The following DSCAML1 variants were observed in gnomAD, a reference collection of about 807,000 sequenced individuals.
DSCAML1 encodes the protein cell adhesion molecule DSCAML1.
A neutral mutation model predicts 200.5 loss-of-function variants in DSCAML1; 38 were observed. That is an observed-to-expected ratio of 0.19 (90% CI 0.15 to 0.25). The LOEUF is 0.25. DSCAML1 is among the 10% of genes least tolerant of loss of function. DSCAML1 has a pLI of 1.00. For synonymous variants in DSCAML1, 1,215 were observed against 1,165.0 expected (o/e 1.04, Z -0.87); for missense variants, 2,223 against 2,858.8 (o/e 0.78, Z 5.07).
intron 3 of DSCAML1, among the ~76,000 whole-genome samples, chr11:117,745,826 C>T (rs149117435): frequency 6.6e-6 from 1 of 152,162 alleles, no homozygotes; most frequent in African/African-American, 2.4e-5. Flanking sequence ...GCCTCAATGT[C>T]TTCGTCTGTA....
chr11:117,728,303 T>A (rs1415915781), intron 3 of DSCAML1, among the ~76,000 whole-genome samples: 1 of 152,190 alleles, frequency 6.6e-6, no homozygotes, highest in Non-Finnish European at 1.5e-5. Context: ...AGGGACTCTG[T>A]GATAAACCTC....
intron 4 of DSCAML1, among the ~76,000 whole-genome samples, chr11:117,529,528 A>G (rs1270316755): frequency 6.6e-6 from 1 of 152,198 alleles, no homozygotes; most frequent in Non-Finnish European, 1.5e-5. Context: ...GGAGATGGAA[A>G]GTTTGGCCTA....
chr11:117,573,038 C>T (rs2050872782), intron 3 of DSCAML1, among the ~76,000 whole-genome samples: 1 of 152,180 alleles, frequency 6.6e-6, no homozygotes, highest in Non-Finnish European at 1.5e-5. Flanking sequence ...CATAATGGCC[C>T]TGTGAGAGAG....
At chr11:117,686,879 A>T (rs1345042539) in intron 3 of DSCAML1, among the ~76,000 whole-genome samples, 1 of 152,208 alleles carries the variant, frequency 6.6e-6, no homozygotes, top group Non-Finnish European at 1.5e-5. Flanking sequence ...ACATTTATTT[A>T]GCTTGATCTT....
chr11:117,676,606 G>A (rs530312299), intron 3 of DSCAML1, among the ~76,000 whole-genome samples: 119 of 152,286 alleles, frequency 7.8e-4, no homozygotes, highest in African/African-American at 2.7e-3. Context: ...AGAAGCTGTC[G>A]CACCTCCAGC....
intron 3 of DSCAML1, among the ~76,000 whole-genome samples, chr11:117,584,298 C>G (rs1054201008): frequency 4.6e-5 from 7 of 152,144 alleles, no homozygotes; most frequent in African/African-American, 1.7e-4. Flanking sequence ...GTCTGATTCC[C>G]CATCTGCCTC....
chr11:117,550,369 G>A (rs1420822128), intron 3 of DSCAML1, among the ~76,000 whole-genome samples: 1 of 152,168 alleles, frequency 6.6e-6, no homozygotes, highest in South Asian at 2.1e-4. Context: ...AACCTAGATT[G>A]TGTGACTCCA....
intron 3 of DSCAML1, among the ~76,000 whole-genome samples, chr11:117,681,410 A>T (rs2053310851): frequency 1.3e-5 from 2 of 152,188 alleles, no homozygotes; most frequent in Non-Finnish European, 2.9e-5. Context: ...CTTTGGGGAC[A>T]TGGCCTGCCC....
intron 1 of DSCAML1, among the ~76,000 whole-genome samples, chr11:117,805,796 G>A (rs977064161): frequency 2.6e-4 from 39 of 152,218 alleles, no homozygotes; most frequent in African/African-American, 9.4e-4. Context: ...CAGAGTCCCT[G>A]CCCTCAGGAA....
chr11:117,618,056 T>C (rs1393223897), intron 3 of DSCAML1, among the ~76,000 whole-genome samples: 1 of 152,228 alleles, frequency 6.6e-6, no homozygotes, highest in African/African-American at 2.4e-5. Flanking sequence ...ATCTCAACAA[T>C]ACCTATTTCA....
Position 117,481,232 on chromosome 11 carries a change from G to A in DSCAML1, c.2598C>T (p.Ser866=). Reference sequence around the variant, plus strand: ...CCCCATACGAGTTGATGGCATGGCAGCTGAAGAACACAGAGTCCCCACGGT... The same window carrying A: ...CCCCATACGAGTTGATGGCATGGCAACTGAAGAACACAGAGTCCCCACGGT... ...PADRGDSVFF[S]CHAINSYGED... is the part of the protein sequence containing the mutation. Residue 866 remains serine (S), a synonymous_variant, in exon 13 of 33, where the codon AGC becomes AGT. Coordinates refer to ENST00000651296, the MANE Select transcript of DSCAML1 (RefSeq NM_020693.4). 6.2e-7 allele frequency: 1 copy of A among 1,613,934 alleles called. No individual in the cohort carries two copies. Among genetic ancestry groups the A allele is most frequent in the African/African-American group, 1.3e-5 (1 of 74,996 alleles).
Position 117,505,142 on chromosome 11 carries a change from C to T in DSCAML1, c.2063-99G>A. 2 of 1,507,144 alleles carry T rather than the reference C, an allele frequency of 1.3e-6. No individual in the cohort carries two copies. Among genetic ancestry groups the T allele is most frequent in the Non-Finnish European group, 1.8e-6 (2 of 1,120,666 alleles). 93.4% of individuals were successfully genotyped at this position (1,507,144 alleles called of 1,614,324 possible). On this transcript the variant is annotated intron_variant, in intron 9 of 32. Coordinates refer to ENST00000651296, the MANE Select transcript of DSCAML1 (RefSeq NM_020693.4). This position sits in a 1 kb window ranked among gnomAD's most constrained non-coding sequence, Gnocchi z 6.7. ...CTGTTTGAGGTCAGCCCTGCCCGGG[C>T]CATTATAAAGTTGGAAGCGGGCAGT... is the stretch of plus-strand genomic sequence containing the variant.
chr11:117,600,091 G>T (rs921375713), intron 3 of DSCAML1, among the ~76,000 whole-genome samples: 1 of 152,210 alleles, frequency 6.6e-6, no homozygotes, highest in African/African-American at 2.4e-5. Context: ...TGGCGAGAAG[G>T]GAATGAGTCT....
intron 3 of DSCAML1, among the ~76,000 whole-genome samples, chr11:117,705,382 T>G (rs377731195): frequency 1.3e-5 from 2 of 152,382 alleles, no homozygotes; most frequent in African/African-American, 4.8e-5. Flanking sequence ...TTTTTGCTTT[T>G]GTGAAGCAAG....
chr11:117,700,707 T>C (rs1044727957), intron 3 of DSCAML1, among the ~76,000 whole-genome samples: 5 of 152,172 alleles, frequency 3.3e-5, no homozygotes, highest in African/African-American at 1.2e-4. Flanking sequence ...GCAACTGTGA[T>C]AGAAACATGT....
chr11:117,715,201 T>C (rs1163372471), intron 3 of DSCAML1, among the ~76,000 whole-genome samples: 1 of 152,042 alleles, frequency 6.6e-6, no homozygotes, highest in Non-Finnish European at 1.5e-5. Flanking sequence ...GCAGAAGCAC[T>C]GCCTTCTCCC....
chr11:117,748,970 T>C (rs2054559327), intron 3 of DSCAML1, among the ~76,000 whole-genome samples: 1 of 152,192 alleles, frequency 6.6e-6, no homozygotes, highest in Non-Finnish European at 1.5e-5. Flanking sequence ...AAGGCTCTAG[T>C]TGGCTCTGCG....
intron 3 of DSCAML1, among the ~76,000 whole-genome samples, chr11:117,588,611 G>A (rs951627446): frequency 6.6e-6 from 1 of 152,102 alleles, no homozygotes. Context: ...TAGCCTTGCC[G>A]GGCCACCACA....
intron 3 of DSCAML1, among the ~76,000 whole-genome samples, chr11:117,569,057 A>G (rs1206711866): frequency 1.3e-5 from 2 of 152,204 alleles, no homozygotes; most frequent in African/African-American, 4.8e-5. Flanking sequence ...GCCCTCAGAA[A>G]TAACGCCGCA....
Sources: allele counts gnomAD v4.1 joint callset (sites outside exome capture counted in the v4.1 genomes callset), GRCh38; gene constraint gnomAD v4.1.1; non-coding constraint Gnocchi (gnomAD v3.1); transcripts MANE v1.5; gene names NCBI Gene and HGNC (gene_info 2026-07-23, HGNC 2026-07-21).